The following UST variants were observed in gnomAD, a reference collection of about 807,000 sequenced individuals.
UST encodes uronyl 2-sulfotransferase, also known as chondroitin sulfate 2-O-sulfotransferase.
In UST, 21 loss-of-function variants were observed where a neutral mutation model predicts 45.6. The observed-to-expected ratio is 0.46, with a 90% CI of 0.33 to 0.66. The LOEUF (loss-of-function observed/expected upper bound fraction) is 0.66, where lower values mean the gene tolerates loss of function less well. Ranked by LOEUF, UST falls within the 30% of genes least tolerant of loss-of-function variation. The pLI, the probability that UST is intolerant of heterozygous loss-of-function variation, is 0.02. For synonymous variants in UST, 215 were observed against 200.6 expected (o/e 1.07, Z -0.61); for missense variants, 463 against 512.4 (o/e 0.90, Z 0.93).
At chr6:148,884,048 G>A (rs1280973818) in intron 1 of UST, among the ~76,000 whole-genome samples, 1 of 151,216 alleles carries the variant, frequency 6.6e-6, no homozygotes, top group South Asian at 2.1e-4. Context: ...CAGGAGAATC[G>A]CTTGAACCCG....
intron 1 of UST, among the ~76,000 whole-genome samples, chr6:148,864,452 C>G (rs1010064563): frequency 6.6e-6 from 1 of 152,244 alleles, no homozygotes; most frequent in Non-Finnish European, 1.5e-5. Flanking sequence ...TTGCACTTCC[C>G]GGGTGAGGCG....
Position 148,953,879 on chromosome 6 carries a change from T to C in UST, c.455T>C (p.Leu152Pro). 1 of 1,597,586 alleles carries C rather than the reference T, an allele frequency of 6.3e-7. No homozygotes were observed. Among genetic ancestry groups the C allele is most frequent in the Middle Eastern group, 1.7e-4 (1 of 6,004 alleles). Residue 152 changes from leucine to proline, a missense_variant, in exon 4 of 8, where the codon CTG (leucine) becomes CCG (proline). Coordinates refer to ENST00000367463, the MANE Select transcript of UST (RefSeq NM_005715.3). ...TRLTKNEQMELIKNISTAEQP... is the reference protein window; with the variant it reads ...TRLTKNEQMEPIKNISTAEQP... The stretch of plus-strand genomic sequence containing the variant: ...TTTTACTTTTTTTAATAGATGGAAC[T>C]GATTAAAAATATAAGTACTGCCGAA...
chr6:148,869,453 T>C (rs1272816731), intron 1 of UST, among the ~76,000 whole-genome samples: 2 of 152,248 alleles, frequency 1.3e-5, no homozygotes, highest in Non-Finnish European at 2.9e-5. Context: ...GAGGATTACC[T>C]TTCCAAATGA....
intron 1 of UST, among the ~76,000 whole-genome samples, chr6:148,795,737 A>T (rs1776936328): frequency 6.6e-6 from 1 of 152,154 alleles, no homozygotes; most frequent in African/African-American, 2.4e-5. Flanking sequence ...TTGCCTTCTA[A>T]CAGACCTACA....
At chr6:148,803,947 A>T (rs9403986) in intron 1 of UST, among the ~76,000 whole-genome samples, 2 of 151,822 alleles carry the variant, frequency 1.3e-5, no homozygotes, top group Non-Finnish European at 2.9e-5. Context: ...CTTTCCTAGC[A>T]CTCCATCATC....
rs947674497 is a variant in UST at position 149,028,959 on chromosome 6, T to G, written c.937+7478T>G. On this transcript the variant is annotated intron_variant, in intron 7 of 7. Coordinates refer to ENST00000367463, the MANE Select transcript of UST (RefSeq NM_005715.3). ...AGCTCTTGAAAAACTGTTTTCCATG[T>G]GCAGAATTACGTACTTCAGAACACT... Among the ~76,000 whole-genome samples the G allele has an allele frequency of 7.2e-5, 11 of 152,348 alleles. No individual in the cohort carries two copies. The South Asian group carries it at 8.3e-4, about 11-fold the overall frequency.
rs996135040 is a variant in UST at position 149,074,331 on chromosome 6, G to T, written c.*215G>T. 1 of 585,180 alleles carries T rather than the reference G, an allele frequency of 1.7e-6. No individual in the cohort carries two copies. The highest frequency in any genetic ancestry group is 3.0e-6 in the Non-Finnish European group (1 of 335,160). The allele number at this position is 585,180 out of a possible 1,614,324, so 36.2% of individuals were successfully genotyped here. A position where few individuals can be genotyped will look rare whatever the true frequency, so the allele number is the denominator to read the frequency against. On this transcript the variant is annotated 3_prime_UTR_variant, in exon 8 of 8. Coordinates refer to ENST00000367463, the MANE Select transcript of UST (RefSeq NM_005715.3). ...CTCTTGGCTCTTTGGGTCTTTCCCG[G>T]GTACACTAGATGGCTCCATCCCAAG...
intron 1 of UST, among the ~76,000 whole-genome samples, chr6:148,851,733 A>C (rs937510387): frequency 2.6e-4 from 40 of 152,342 alleles, no homozygotes; most frequent in African/African-American, 9.1e-4. Context: ...TAGAATGATC[A>C]GAACATCTGG....
chr6:148,977,676 C>T (rs974228372), intron 5 of UST, among the ~76,000 whole-genome samples: 15 of 146,496 alleles, frequency 1.0e-4, no homozygotes, highest in Non-Finnish European at 1.9e-4. Flanking sequence ...GGTGTGAACT[C>T]GGGAGGTGGA....
chr6:149,041,958 C>G (rs1205739099), intron 7 of UST, among the ~76,000 whole-genome samples: 1 of 152,146 alleles, frequency 6.6e-6, no homozygotes, highest in Non-Finnish European at 1.5e-5. Flanking sequence ...TTGTCCTTCC[C>G]AGGGGAATTT....
chr6:148,808,209 G>A (rs1445287027), intron 1 of UST, among the ~76,000 whole-genome samples: 4 of 152,180 alleles, frequency 2.6e-5, no homozygotes, highest in Middle Eastern at 3.2e-3. Context: ...CAGGCAGGCC[G>A]TGAGGGAGCC....
intron 2 of UST, among the ~76,000 whole-genome samples, chr6:148,901,208 CA>C (rs1451146973): frequency 1.3e-5 from 2 of 152,176 alleles, no homozygotes; most frequent in Non-Finnish European, 2.9e-5. Context: ...GCGCATGGGA[CA>C]GAAGTCATCT....
intron 2 of UST, among the ~76,000 whole-genome samples, chr6:148,896,588 G>A (rs1779135924): frequency 6.6e-6 from 1 of 152,264 alleles, no homozygotes; most frequent in African/African-American, 2.4e-5. Context: ...TCTTATTTTT[G>A]TCTAAGGCTG....
At chr6:148,968,155 C>A (rs1354683983) in intron 5 of UST, among the ~76,000 whole-genome samples, 1 of 152,162 alleles carries the variant, frequency 6.6e-6, no homozygotes, top group Non-Finnish European at 1.5e-5. Flanking sequence ...AGGACTGGGC[C>A]GAGTCCCACG....
At chr6:148,952,417 G>T (rs1780383716) in intron 3 of UST, among the ~76,000 whole-genome samples, 1 of 152,194 alleles carries the variant, frequency 6.6e-6, no homozygotes, top group Admixed American at 6.5e-5. Flanking sequence ...GAAGCACAGG[G>T]TTTATGAACT....
chr6:148,747,518 A>G lies in UST; in HGVS notation c.88A>G (p.Ser30Gly). Residue 30 changes from serine to glycine, a missense_variant, in exon 1 of 8, where the codon AGC becomes GGC. Transcript: ENST00000367463. ...GGGGGGCGCCCCTCCGGGCCTGGGC[A>G]GCTGGAAGCGTCGGGTGCCCCTGCT... Reference protein sequence around the residue: ...PMGGAPPGLGSWKRRVPLLPF... With the variant: ...PMGGAPPGLGGWKRRVPLLPF... The G allele has an allele frequency of 6.5e-7, 1 of 1,543,400 alleles. No individual in the cohort carries two copies. Among genetic ancestry groups the G allele is most frequent in the Non-Finnish European group, 8.7e-7 (1 of 1,145,670 alleles).
chr6:148,911,792 T>C (rs887631626), intron 2 of UST, among the ~76,000 whole-genome samples: 1 of 152,224 alleles, frequency 6.6e-6, no homozygotes, highest in African/African-American at 2.4e-5. Flanking sequence ...ACATCTTTCT[T>C]TTGTTCTTGT....
chr6:149,005,582 T>A, intron 5 of UST: 1 of 985,464 alleles, frequency 1.0e-6, no homozygotes, highest in South Asian at 4.7e-5. Context: ...TGATTGGTAC[T>A]CAGTAAAGGT....
chr6:148,873,018 C>A (rs182506677), intron 1 of UST, among the ~76,000 whole-genome samples: 6 of 152,272 alleles, frequency 3.9e-5, no homozygotes, highest in African/African-American at 1.4e-4. Flanking sequence ...TTGGGGGAAT[C>A]ATTGTTCAGC....
Sources: allele counts gnomAD v4.1 joint callset (sites outside exome capture counted in the v4.1 genomes callset), GRCh38; gene constraint gnomAD v4.1.1; transcripts MANE v1.5; gene names NCBI Gene and HGNC (gene_info 2026-07-23, HGNC 2026-07-21).